Variants in ATP9B observed in about 807,000 individuals in gnomAD.
ATP9B encodes the protein probable phospholipid-transporting ATPase IIB.
A neutral mutation model predicts 146.1 loss-of-function variants in ATP9B; 110 were observed. The ratio of observed to expected loss-of-function variants is 0.75; its 90% CI spans 0.65 to 0.88. The LOEUF is 0.88. Ranked by LOEUF, ATP9B falls within the 40% of genes least tolerant of loss-of-function variation. The pLI is 0.00. For missense variants in ATP9B, 1,499 were observed against 1,496.4 expected (o/e 1.00, Z -0.03); for synonymous variants, 604 against 569.7 (o/e 1.06, Z -0.86).
rs146575248 is a variant in ATP9B, at chr18:79,269,114, C to T, written c.1269-7940C>T. On this transcript the variant is annotated intron_variant, in intron 12 of 29. Transcript: ENST00000426216. ...ATTCTTTTATTCATTCTAGAAAGTC[C>T]GCCATCATCTCTTCAGATGCTGCCC... Among the ~76,000 whole-genome samples the T allele has an allele frequency of 2.4e-3, 367 of 152,230 alleles. 1 individual carries two copies. The highest frequency in any genetic ancestry group is 6.4e-3 in the South Asian group (31 of 4,820).
intron 12 of ATP9B, among the ~76,000 whole-genome samples, chr18:79,274,090 G>T (rs1424720275): frequency 6.6e-6 from 1 of 152,098 alleles, no homozygotes; most frequent in Non-Finnish European, 1.5e-5. Context: ...GCAATAAAAT[G>T]AGCTTAAAAT....
chr18:79,355,468 G>A (rs1335966451), intron 25 of ATP9B, among the ~76,000 whole-genome samples: 1 of 152,130 alleles, frequency 6.6e-6, no homozygotes, highest in African/African-American at 2.4e-5. Context: ...AAAAAAAAAT[G>A]CCGTGACTGG....
In ATP9B at chr18:79,118,384, G is replaced by GTTTTTTTTTTTTTTTTTT. The variant is rs1304879263; in HGVS notation, c.558+5035_558+5036insTTTTTTTTTTTTTTTTTT. Among the ~76,000 whole-genome samples the GTTTTTTTTTTTTTTTTTT allele has an allele frequency of 9.5e-5, 7 of 73,490 alleles. 1 individual carries two copies. Among genetic ancestry groups the GTTTTTTTTTTTTTTTTTT allele is most frequent in the African/African-American group, 3.7e-4 (7 of 18,676 alleles). The allele number at this position is 73,490 out of a possible 152,430, so 48.2% of individuals were successfully genotyped here. On this transcript the variant is annotated intron_variant, in intron 4 of 29. Transcript: ENST00000426216. ...ATTTTAAAACACAATCATATTGAAC[G>GTTTTTTTTTTTTTTTTTT]TTTTTGTTTTTTTTTTTTTTTTTTT...
rs11388848 is a variant in ATP9B at position 79,292,669 on chromosome 18, TA to T, written c.1412-10921del. ...GACTTGCAACTCGTGATTTCTTCTT[TA>T]AAAAAAAAAAAAAGACATGCATCCG... On this transcript the variant is annotated intron_variant, in intron 13 of 29. Coordinates refer to ENST00000426216, the MANE Select transcript of ATP9B (RefSeq NM_198531.5). 9.9e-4 allele frequency among the ~76,000 whole-genome samples: 143 copies of T among 143,870 alleles called. 2 individuals carry two copies. Among genetic ancestry groups the T allele is most frequent in the South Asian group, 7.1e-3 (32 of 4,520 alleles). 94.4% of individuals were successfully genotyped at this position (143,870 alleles called of 152,430 possible). A position where few individuals can be genotyped will look rare whatever the true frequency, so the allele number is the denominator to read the frequency against.
At chr18:79,288,917 T>C (rs191197923) in intron 13 of ATP9B, among the ~76,000 whole-genome samples, 1 of 152,354 alleles carries the variant, frequency 6.6e-6, no homozygotes, top group East Asian at 1.9e-4. Flanking sequence ...GAAAATTCTT[T>C]TCTTTAAGCA....
At chr18:79,103,036 A>G (rs2075392940) in intron 2 of ATP9B, among the ~76,000 whole-genome samples, 1 of 152,222 alleles carries the variant, frequency 6.6e-6, no homozygotes. Flanking sequence ...CTTGTAATCT[A>G]TAAAGACAGT....
Position 79,206,974 on chromosome 18 carries a change from T to C in ATP9B, c.992T>C (p.Ile331Thr). The C allele has an allele frequency of 6.2e-7, 1 of 1,614,098 alleles. No homozygotes were observed. Among genetic ancestry groups the C allele is most frequent in the Non-Finnish European group, 8.5e-7 (1 of 1,179,966 alleles). Residue 331 changes from isoleucine to threonine, a missense_variant, in exon 10 of 30, where the codon ATA becomes ACA. Physicochemically the swap from Ile to Thr is moderately conservative, Grantham distance 89. Transcript: ENST00000426216. ...SDPPIHESLS[I>T]ENTLWASTIV... ...CCGCCCATTCATGAAAGTCTCAGCA[T>C]AGAAAATACATTGTGGGCAAGCACC...
intron 1 of ATP9B, 107 bp downstream of exon 1, chr18:79,069,636 C>A: frequency 1.5e-6 from 1 of 681,008 alleles, no homozygotes; most frequent in Non-Finnish European, 2.1e-6. Context: ...CCGGCGCGCC[C>A]CATCTGTTCG....
intron 8 of ATP9B, among the ~76,000 whole-genome samples, chr18:79,180,967 G>GT (rs1481200719): frequency 5.4e-4 from 75 of 140,074 alleles, no homozygotes; most frequent in Middle Eastern, 3.6e-3. Flanking sequence ...GCTAATTTTT[G>GT]TTTTTTTGTT....
intron 17 of ATP9B, among the ~76,000 whole-genome samples, chr18:79,334,438 T>C (rs1402134659): frequency 6.6e-6 from 1 of 152,160 alleles, no homozygotes; most frequent in Non-Finnish European, 1.5e-5. Flanking sequence ...TTGGTTTTTT[T>C]AATGTACTTT....
At chr18:79,077,794 G>A (rs1012408226) in intron 1 of ATP9B, among the ~76,000 whole-genome samples, 16 of 152,222 alleles carry the variant, frequency 1.1e-4, no homozygotes, top group Admixed American at 1.0e-3. Context: ...TGTAAGGAAA[G>A]TAACTTTGAA....
intron 14 of ATP9B, among the ~76,000 whole-genome samples, chr18:79,305,948 G>T (rs906733918): frequency 6.6e-6 from 1 of 152,350 alleles, no homozygotes; most frequent in South Asian, 2.1e-4. Flanking sequence ...CATGGAATTT[G>T]TGTGAAATTA....
At chr18:79,374,271 C>G in intron 28 of ATP9B, 170 bp downstream of exon 28, 1 of 747,568 alleles carries the variant, frequency 1.3e-6, no homozygotes. Flanking sequence ...CGCTGAGCCC[C>G]GTCGGTCACT....
At chr18:79,319,550 G>A (rs917938278) in intron 15 of ATP9B, among the ~76,000 whole-genome samples, 1 of 152,148 alleles carries the variant, frequency 6.6e-6, no homozygotes, top group Non-Finnish European at 1.5e-5. Flanking sequence ...TCTGGCTTGC[G>A]TTGTCCTCCT....
At position 79,139,408 on chromosome 18, in the gene ATP9B, C is replaced by T. The variant is rs12606170; in HGVS notation, c.668-4394C>T. 6.3e-3 allele frequency among the ~76,000 whole-genome samples: 954 copies of T among 152,320 alleles called. 69 individuals are homozygous for T. The East Asian group carries it at 0.14, about 23-fold the overall frequency. On this transcript the variant is annotated intron_variant, in intron 5 of 29. Coordinates refer to ENST00000426216, the MANE Select transcript of ATP9B (RefSeq NM_198531.5). ...AGCAGGATGTTTTATACCACAAACA[C>T]GTGACTCCCTCCTTGTGCTGCGGTG...
At chr18:79,156,241 G>C (rs1286357132) in intron 7 of ATP9B, among the ~76,000 whole-genome samples, 1 of 152,148 alleles carries the variant, frequency 6.6e-6, no homozygotes, top group Non-Finnish European at 1.5e-5. Context: ...GGACTGGCTG[G>C]CTACTTCCAG....
chr18:79,248,052 C>T (rs533323438), intron 11 of ATP9B, among the ~76,000 whole-genome samples: 1 of 152,274 alleles, frequency 6.6e-6, no homozygotes, highest in African/African-American at 2.4e-5. Flanking sequence ...ATTGAGCCAA[C>T]AGACTATAAT....
rs748941781 is a variant in ATP9B, at chr18:79,110,344, G to A, written c.294-11G>A. The A allele has an allele frequency of 1.5e-5, 24 of 1,571,872 alleles. No individual in the cohort carries two copies. In the East Asian group the frequency reaches 5.0e-4, roughly 33 times the overall value. ...AAAAAATACACAATACGTATCTTTT[G>A]TTTCATACAGTTGCTGTGGTTGGCT... On this transcript the variant is annotated splice_polypyrimidine_tract_variant and intron_variant, in intron 2 of 29. Transcript: ENST00000426216.
At chr18:79,252,059 A>G (rs578064411) in intron 11 of ATP9B, among the ~76,000 whole-genome samples, 1 of 152,258 alleles carries the variant, frequency 6.6e-6, no homozygotes, top group Non-Finnish European at 1.5e-5. Flanking sequence ...CACCACTTAC[A>G]GATGAGGAAA....
Sources: gnomAD v4.1 joint callset for allele counts (sites outside exome capture counted in the v4.1 genomes callset) on GRCh38, gnomAD v4.1.1 for gene constraint, MANE v1.5 for transcripts, NCBI Gene and HGNC (gene_info 2026-07-23, HGNC 2026-07-21) for gene names.